The following GABPB1 variants were observed in gnomAD, a reference collection of about 807,000 sequenced individuals.
GABPB1 encodes GA binding protein transcription factor subunit beta 1, also known as GA-binding protein subunit beta-1.
In GABPB1, 15 loss-of-function variants were observed where a neutral mutation model predicts 45.9. The observed-to-expected ratio is 0.33, with a 90% CI of 0.22 to 0.50. The LOEUF is 0.50. Ranked by LOEUF, GABPB1 falls within the 20% of genes least tolerant of loss-of-function variation. GABPB1 has a pLI of 0.98. For synonymous variants in GABPB1, 143 were observed against 154.4 expected (o/e 0.93, Z 0.55); for missense variants, 252 against 457.5 (o/e 0.55, Z 4.10).
rs1179180137 is a variant in GABPB1, at chr15:50,315,286, T to C, written c.1-5488A>G. Among the ~76,000 whole-genome samples, 4 of 152,054 alleles carry C rather than the reference T, an allele frequency of 2.6e-5. No individual in the cohort carries two copies. The East Asian group carries it at 7.7e-4, about 29-fold the overall frequency. On this transcript the variant is annotated intron_variant, in intron 1 of 8. Coordinates refer to ENST00000380877, the MANE Select transcript of GABPB1 (RefSeq NM_016654.5). ...AGCTGCAACTACAAGAGTACACCAC[T>C]AAACCCGGCTGATTTTTGTATTTTT...
intron 1 of GABPB1, among the ~76,000 whole-genome samples, chr15:50,323,253 T>C (rs1396872460): frequency 6.6e-6 from 1 of 152,092 alleles, no homozygotes; most frequent in African/African-American, 2.4e-5. Flanking sequence ...GGGAAGCTGC[T>C]ACCCTAGGAT....
chr15:50,306,275 T>C (rs1379472485), intron 2 of GABPB1, among the ~76,000 whole-genome samples: 3 of 152,070 alleles, frequency 2.0e-5, no homozygotes, highest in Non-Finnish European at 4.4e-5. Context: ...AGCCAATATA[T>C]GTAGTTTAAG....
chr15:50,300,734 G>T, intron 6 of GABPB1, 55 bp downstream of exon 6: 1 of 1,110,990 alleles, frequency 9.0e-7, no homozygotes, highest in South Asian at 1.2e-5. Flanking sequence ...TGTGAGCCAC[G>T]GCACCCAGCC....
intron 2 of GABPB1, among the ~76,000 whole-genome samples, chr15:50,305,771 C>T (rs544100487): frequency 8.4e-4 from 127 of 152,026 alleles, no homozygotes; most frequent in African/African-American, 3.0e-3. Flanking sequence ...AATATATATA[C>T]ATATATGCAG....
At chr15:50,287,255 T>G (rs2046195539) in intron 7 of GABPB1, among the ~76,000 whole-genome samples, 1 of 152,168 alleles carries the variant, frequency 6.6e-6, no homozygotes, top group South Asian at 2.1e-4. Flanking sequence ...ATGGTTATTC[T>G]TTTCCAGAGT....
intron 1 of GABPB1, among the ~76,000 whole-genome samples, chr15:50,314,183 A>ATTTT (rs879259395): frequency 8.7e-6 from 1 of 115,538 alleles, no homozygotes; most frequent in Non-Finnish European, 2.0e-5. Flanking sequence ...TTATTTATTT[A>ATTTT]TTTATTTATT....
intron 1 of GABPB1, among the ~76,000 whole-genome samples, chr15:50,341,929 C>T (rs1380421815): frequency 1.3e-5 from 2 of 152,176 alleles, no homozygotes; most frequent in African/African-American, 2.4e-5. Flanking sequence ...AACTCCAACG[C>T]GTCTCAGACC....
At chr15:50,321,703 GA>G (rs61483731) in intron 1 of GABPB1, among the ~76,000 whole-genome samples, 103 of 123,070 alleles carry the variant, frequency 8.4e-4, no homozygotes, top group Admixed American at 9.1e-4. Context: ...CTCCGTCTCA[GA>G]AAAAAAAAAA....
intron 7 of GABPB1, among the ~76,000 whole-genome samples, chr15:50,286,531 T>C (rs186255365): frequency 6.6e-6 from 1 of 152,152 alleles, no homozygotes; most frequent in African/African-American, 2.4e-5. Flanking sequence ...TTATTATGTA[T>C]TATCCTTATA....
intron 8 of GABPB1, chr15:50,282,454 T>G: frequency 3.0e-6 from 1 of 332,734 alleles, no homozygotes; most frequent in Non-Finnish European, 5.8e-6. Context: ...CTTGGGAGGC[T>G]GAGGTGGGAA....
intron 6 of GABPB1, among the ~76,000 whole-genome samples, chr15:50,291,754 C>T (rs2046349417): frequency 1.3e-5 from 2 of 151,636 alleles, no homozygotes; most frequent in South Asian, 4.2e-4. Flanking sequence ...AAACTGTCTA[C>T]AAAAAATTTA....
At chr15:50,299,140 T>C (rs1186060230) in intron 6 of GABPB1, among the ~76,000 whole-genome samples, 2 of 152,178 alleles carry the variant, frequency 1.3e-5, no homozygotes, top group East Asian at 3.8e-4. Context: ...TTTGATGAAA[T>C]GTTGTTATTA....
chr15:50,326,535 G>A (rs1353920053), intron 1 of GABPB1, among the ~76,000 whole-genome samples: 10 of 152,010 alleles, frequency 6.6e-5, no homozygotes, highest in African/African-American at 9.7e-5. Flanking sequence ...GGTGGCATGC[G>A]CCTATAGTCC....
intron 1 of GABPB1, among the ~76,000 whole-genome samples, chr15:50,316,327 C>T (rs544134388): frequency 6.6e-6 from 1 of 152,220 alleles, no homozygotes; most frequent in South Asian, 2.1e-4. Flanking sequence ...TAATTTACAG[C>T]TTATAGAGTT....
In GABPB1 at chr15:50,278,180, G is replaced by A. The variant is rs1402263899; in HGVS notation, c.*452C>T. 1 of 152,638 alleles carries A rather than the reference G, an allele frequency of 6.6e-6. No individual in the cohort carries two copies. The highest frequency in any genetic ancestry group is 1.5e-5 in the Non-Finnish European group (1 of 68,112). 9.5% of individuals were successfully genotyped at this position (152,638 alleles called of 1,614,324 possible). A position where few individuals can be genotyped will look rare whatever the true frequency, so the allele number is the denominator to read the frequency against. On this transcript the variant is annotated 3_prime_UTR_variant, in exon 9 of 9. Transcript: ENST00000380877. ...TTAAAGCTGTACAAAGATTTCCTGG[G>A]AGAAATCTTCTCTTCATACAGAGGT...
chr15:50,326,861 A>G (rs1018467430), intron 1 of GABPB1, among the ~76,000 whole-genome samples: 2 of 151,796 alleles, frequency 1.3e-5, no homozygotes, highest in Non-Finnish European at 2.9e-5. Context: ...AGAAAGAAAA[A>G]CTGCACATGA....
chr15:50,353,774 G>T (rs577905754), intron 1 of GABPB1: 1 of 152,442 alleles, frequency 6.6e-6, no homozygotes, highest in South Asian at 2.0e-4. Flanking sequence ...CATAATAAAT[G>T]AGAGTGGATC....
intron 7 of GABPB1, among the ~76,000 whole-genome samples, chr15:50,286,898 C>A (rs1419577608): frequency 6.6e-6 from 1 of 152,104 alleles, no homozygotes; most frequent in Non-Finnish European, 1.5e-5. Flanking sequence ...CCATGCGAAG[C>A]CATTTTAATA....
intron 6 of GABPB1, among the ~76,000 whole-genome samples, chr15:50,299,376 T>C (rs2046642978): frequency 6.6e-6 from 1 of 152,254 alleles, no homozygotes; most frequent in Non-Finnish European, 1.5e-5. Context: ...TGAATACTGT[T>C]TGTCATCATT....
Sources: gnomAD v4.1 joint callset for allele counts (sites outside exome capture counted in the v4.1 genomes callset) on GRCh38, gnomAD v4.1.1 for gene constraint, MANE v1.5 for transcripts, NCBI Gene and HGNC (gene_info 2026-07-23, HGNC 2026-07-21) for gene names.